RASAL2: variants seen among roughly 807,000 people sequenced by gnomAD.
RASAL2 encodes the protein ras GTPase-activating protein nGAP.
Under a neutral mutation model 128.9 loss-of-function variants are expected in RASAL2, and 58 were observed. The ratio of observed to expected loss-of-function variants is 0.45; its 90% confidence interval spans 0.36 to 0.56. The LOEUF (loss-of-function observed/expected upper bound fraction) is 0.56, where lower values mean the gene tolerates loss of function less well. Among genes scored for constraint, RASAL2 ranks in the 20% least tolerant of loss-of-function variants. The pLI, the probability that RASAL2 is intolerant of heterozygous loss-of-function variation, is 0.00. For missense variants in RASAL2, 1,360 were observed against 1,601.6 expected, an observed-to-expected ratio of 0.85 and a Z score of 2.57; for synonymous variants, 561 against 580.8, an observed-to-expected ratio of 0.97 and a Z score of 0.49.
chr1:178,171,314 C>G (rs992704133), intron 1 of RASAL2, among the ~76,000 whole-genome samples: 1 of 151,860 alleles, frequency 6.6e-6, no homozygotes, highest in African/African-American at 2.4e-5. Flanking sequence ...ACCAGTAGTT[C>G]AGGCAATTTA....
intron 3 of RASAL2, among the ~76,000 whole-genome samples, chr1:178,386,354 T>C (rs564238538): frequency 8.5e-5 from 13 of 152,344 alleles, no homozygotes; most frequent in African/African-American, 1.9e-4. Context: ...TTGGTCTGGA[T>C]AACCCAGTTT....
intron 1 of RASAL2, among the ~76,000 whole-genome samples, chr1:178,146,821 AT>A (rs1442027112): frequency 6.6e-6 from 1 of 152,234 alleles, no homozygotes; most frequent in East Asian, 1.9e-4. Flanking sequence ...ATTAAAAGCT[AT>A]TAATTTTCAC....
intron 1 of RASAL2, among the ~76,000 whole-genome samples, chr1:178,102,401 A>G (rs769424442): frequency 1.3e-5 from 2 of 151,962 alleles, no homozygotes; most frequent in Admixed American, 6.6e-5. Context: ...GCTCATGCCC[A>G]GGTTGGAGTG....
chr1:178,431,534 A>T (rs1219909921), intron 5 of RASAL2, among the ~76,000 whole-genome samples: 1 of 152,232 alleles, frequency 6.6e-6, no homozygotes, highest in South Asian at 2.1e-4. Flanking sequence ...CCATATCAAA[A>T]ATTTAAATGC....
At chr1:178,114,802 G>A (rs1209618416) in intron 1 of RASAL2, among the ~76,000 whole-genome samples, 2 of 152,206 alleles carry the variant, frequency 1.3e-5, no homozygotes, top group South Asian at 2.1e-4. Context: ...GATTACAGGC[G>A]TGAGCCACTG....
intron 3 of RASAL2, among the ~76,000 whole-genome samples, chr1:178,353,231 C>T (rs1031477122): frequency 4.6e-5 from 7 of 152,154 alleles, no homozygotes; most frequent in African/African-American, 1.2e-4. Flanking sequence ...TCCAGTTTTA[C>T]GTCATGTCTT....
At chr1:178,212,798 A>T (rs316257) in intron 1 of RASAL2, among the ~76,000 whole-genome samples, 1 of 152,050 alleles carries the variant, frequency 6.6e-6, no homozygotes, top group Non-Finnish European at 1.5e-5. Context: ...GTGCCCGGCC[A>T]CTTCTATCTA....
At chr1:178,242,423 TTCTCTCTCTC>T (rs58914415) in intron 1 of RASAL2, among the ~76,000 whole-genome samples, 3,283 of 84,912 alleles carry the variant, frequency 0.039, 171 homozygotes, top group Middle Eastern at 0.053. Flanking sequence ...TTATAATTCA[TTCTCTCTCTC>T]TCTCTCTCTC....
chr1:178,095,688 AT>A (rs1658653478), intron 1 of RASAL2, among the ~76,000 whole-genome samples: 3 of 152,208 alleles, frequency 2.0e-5, no homozygotes, highest in Non-Finnish European at 4.4e-5. Flanking sequence ...TATGCTTACT[AT>A]TCAAGAGTGA....
rs573667261 is a variant in RASAL2 at position 178,446,215 on chromosome 1, G to A, written c.1627+553G>A. On this transcript the variant is annotated intron_variant, in intron 9 of 17. Transcript: ENST00000367649. ...TGGTCATGAAATTGAGGCATTAACC[G>A]CTAGAGTAAGGTACTGTGCTGGTCA... is the stretch of plus-strand genomic sequence containing the variant. Among the ~76,000 whole-genome samples, 13 of 152,196 alleles carry A rather than the reference G, an allele frequency of 8.5e-5. 1 individual carries two copies. The South Asian group carries it at 1.5e-3, about 17-fold the overall frequency.
intron 2 of RASAL2, among the ~76,000 whole-genome samples, chr1:178,288,896 C>G (rs1667155743): frequency 6.6e-6 from 1 of 152,068 alleles, no homozygotes; most frequent in Non-Finnish European, 1.5e-5. Context: ...GGTGATCCAC[C>G]CGCCTCGGCC....
At chr1:178,384,512 G>C (rs1464376326) in intron 3 of RASAL2, among the ~76,000 whole-genome samples, 3 of 151,896 alleles carry the variant, frequency 2.0e-5, no homozygotes, top group Non-Finnish European at 2.9e-5. Flanking sequence ...CTCAACATGA[G>C]CTAAAATTCG....
intron 1 of RASAL2, among the ~76,000 whole-genome samples, chr1:178,254,818 G>A (rs1416438398): frequency 1.3e-5 from 2 of 152,112 alleles, no homozygotes; most frequent in Non-Finnish European, 2.9e-5. Context: ...CAGCCAGAAA[G>A]CTCAGTGAAC....
intron 1 of RASAL2, among the ~76,000 whole-genome samples, chr1:178,209,549 A>G (rs77844973): frequency 0.02 from 3,100 of 152,164 alleles, 55 homozygotes; most frequent in East Asian, 0.088. Flanking sequence ...TTTTAAGCTC[A>G]TGTCTTTATT....
intron 4 of RASAL2, among the ~76,000 whole-genome samples, chr1:178,393,075 C>A (rs111271448): frequency 1.3e-5 from 2 of 152,084 alleles, no homozygotes; most frequent in Non-Finnish European, 1.5e-5. Context: ...TGTATTTGTA[C>A]TCTTATCTAA....
At chr1:178,143,385 G>C (rs1660603601) in intron 1 of RASAL2, among the ~76,000 whole-genome samples, 3 of 151,890 alleles carry the variant, frequency 2.0e-5, no homozygotes, top group Admixed American at 1.3e-4. Context: ...AGAATGCGTG[G>C]AAGATAGATT....
intron 1 of RASAL2, among the ~76,000 whole-genome samples, chr1:178,114,215 A>G (rs1659443901): frequency 6.6e-6 from 1 of 152,158 alleles, no homozygotes; most frequent in African/African-American, 2.4e-5. Context: ...TTCCAGTATA[A>G]TGTTTAATGA....
In RASAL2 at chr1:178,326,476, C is replaced by G. The variant is rs370658848; in HGVS notation, c.457+26358C>G. On this transcript the variant is annotated intron_variant, in intron 3 of 17. Transcript: ENST00000367649. ...TTTACATTTTATTTATAATAATGCT[C>G]TGCTATTTCAGAATTGATTATTGTA... Among the ~76,000 whole-genome samples, 4 of 152,276 alleles carry G rather than the reference C, an allele frequency of 2.6e-5. No individual in the cohort carries two copies. In the East Asian group the frequency reaches 7.7e-4, roughly 29 times the overall value.
chr1:178,409,631 A>G (rs1674229538), intron 4 of RASAL2, among the ~76,000 whole-genome samples: 1 of 152,198 alleles, frequency 6.6e-6, no homozygotes, highest in South Asian at 2.1e-4. Flanking sequence ...ACTATATCTT[A>G]TAGGCAGAAC....
Sources: allele counts gnomAD v4.1 joint callset (sites outside exome capture counted in the v4.1 genomes callset), GRCh38; gene constraint gnomAD v4.1.1; transcripts MANE v1.5; gene names NCBI Gene and HGNC (gene_info 2026-07-23, HGNC 2026-07-21).